Variants in STARD13 observed in about 807,000 individuals in gnomAD.
STARD13 encodes the protein StAR related lipid transfer domain containing 13.
A neutral mutation model predicts 106.4 loss-of-function variants in STARD13; 62 were observed. The ratio of observed to expected loss-of-function variants is 0.58; its 90% CI spans 0.48 to 0.72. The LOEUF is 0.72. STARD13 is among the 30% of genes least tolerant of loss of function. The pLI is 0.00. For synonymous variants in STARD13, 565 were observed against 553.0 expected, an observed-to-expected ratio of 1.02 and a Z score of -0.31; for missense variants, 1,387 against 1,424.0, an observed-to-expected ratio of 0.97 and a Z score of 0.42.
At chr13:33,441,696 C>G in the STARD13 span, among the ~76,000 whole-genome samples, 1 of 152,198 alleles carries the variant, frequency 6.6e-6, no homozygotes, top group Admixed American at 6.5e-5. Flanking sequence ...AAGAGTCAGT[C>G]AGGAAAGAGG....
intron 1 of STARD13, among the ~76,000 whole-genome samples, chr13:33,306,495 A>C (rs1034662315): frequency 6.6e-5 from 10 of 152,238 alleles, no homozygotes; most frequent in Non-Finnish European, 1.0e-4. Context: ...ATTAAACTAA[A>C]GAGCTTCTGC....
intron 3 of STARD13, among the ~76,000 whole-genome samples, chr13:33,159,737 G>T (rs1882401666): frequency 6.6e-6 from 1 of 152,114 alleles, no homozygotes; most frequent in African/African-American, 2.4e-5. Context: ...TTAAAACACT[G>T]TGTCATTTAC....
At chr13:33,537,991 T>C in the STARD13 span, among the ~76,000 whole-genome samples, 1 of 152,262 alleles carries the variant, frequency 6.6e-6, no homozygotes, top group South Asian at 2.1e-4. Context: ...CAAACACCTC[T>C]GGAATTAAGA....
At chr13:33,183,321 C>T (rs1224013163) in intron 1 of STARD13, among the ~76,000 whole-genome samples, 4 of 152,222 alleles carry the variant, frequency 2.6e-5, no homozygotes, top group African/African-American at 4.8e-5. Flanking sequence ...CTGAGAGTGA[C>T]TTTCTTGCTC....
the STARD13 span, among the ~76,000 whole-genome samples, chr13:33,420,771 A>G: frequency 9.9e-5 from 15 of 152,250 alleles, no homozygotes; most frequent in Non-Finnish European, 1.5e-5. Flanking sequence ...ACCACAGTGC[A>G]ATTAAATTAG....
intron 1 of STARD13, among the ~76,000 whole-genome samples, chr13:33,197,806 C>T (rs575639514): frequency 1.3e-5 from 2 of 152,330 alleles, no homozygotes; most frequent in South Asian, 4.1e-4. Flanking sequence ...CATCCCCAGT[C>T]CTAATCCCTG....
At chr13:33,165,136 C>T (rs1883173423) in intron 3 of STARD13, among the ~76,000 whole-genome samples, 1 of 152,144 alleles carries the variant, frequency 6.6e-6, no homozygotes, top group Non-Finnish European at 1.5e-5. Flanking sequence ...TGTCCAAAGG[C>T]CCCTGCTAGG....
the STARD13 span, among the ~76,000 whole-genome samples, chr13:33,503,297 A>G: frequency 6.6e-6 from 1 of 151,994 alleles, no homozygotes; most frequent in Non-Finnish European, 1.5e-5. Flanking sequence ...TCTTGCTAGC[A>G]GTCTATCAAT....
intron 3 of STARD13, among the ~76,000 whole-genome samples, chr13:33,165,028 T>C (rs986506072): frequency 2.0e-5 from 3 of 152,144 alleles, no homozygotes; most frequent in Non-Finnish European, 4.4e-5. Flanking sequence ...AGCTTGACCA[T>C]AGCATTTATA....
In STARD13 at chr13:33,136,120, C is replaced by CA. The variant is rs559244711; in HGVS notation, c.388-5832dup. Reference sequence around the variant, plus strand: ...TGGGTGATGAAGTGAGACTCTACCTCAAAAAAAAAAAATTATATATATCTT... The same window carrying CA: ...TGGGTGATGAAGTGAGACTCTACCTCAAAAAAAAAAAAATTATATATATCTT... On this transcript the variant is annotated intron_variant, in intron 4 of 13. Transcript: ENST00000336934. Among the ~76,000 whole-genome samples the CA allele has an allele frequency of 3.5e-3, 505 of 145,334 alleles. 1 individual carries two copies. Among genetic ancestry groups the CA allele is most frequent in the African/African-American group, 4.5e-3 (178 of 39,320 alleles).
chr13:33,651,807 G>T, the STARD13 span, among the ~76,000 whole-genome samples: 1,387 of 152,278 alleles, frequency 9.1e-3, 21 homozygotes, highest in African/African-American at 0.032. Flanking sequence ...GAAGCACTCT[G>T]CAAGAAGTCC....
chr13:33,341,499 T>C (rs1275896673), intron 1 of STARD13, among the ~76,000 whole-genome samples: 2 of 149,894 alleles, frequency 1.3e-5, no homozygotes, highest in African/African-American at 2.5e-5. Context: ...ATTAGCCGGG[T>C]GTGGTGGCTT....
intron 1 of STARD13, among the ~76,000 whole-genome samples, chr13:33,195,787 T>C (rs1886572269): frequency 6.6e-6 from 1 of 152,204 alleles, no homozygotes; most frequent in South Asian, 2.1e-4. Context: ...TCTGTCTCTC[T>C]TTCTTACAAG....
chr13:33,253,236 G>A (rs187451427), intron 1 of STARD13, among the ~76,000 whole-genome samples: 74 of 152,228 alleles, frequency 4.9e-4, no homozygotes, highest in African/African-American at 1.5e-3. Context: ...CTTAGACCTC[G>A]GTAGAAAGAC....
At chr13:33,188,847 G>A (rs1200507949) in intron 1 of STARD13, among the ~76,000 whole-genome samples, 5 of 152,194 alleles carry the variant, frequency 3.3e-5, no homozygotes, top group Non-Finnish European at 7.3e-5. Flanking sequence ...ATTAGTTGGT[G>A]AAAATGACAA....
chr13:33,118,408 C>T (rs1875736131), intron 7 of STARD13, 145 bp from the exon 8 acceptor site: 5 of 672,372 alleles, frequency 7.4e-6, no homozygotes, highest in East Asian at 5.1e-5. Context: ...TTAGGCAGTA[C>T]CCGAACACTG....
chr13:33,367,113 C>T, the STARD13 span, among the ~76,000 whole-genome samples: 10 of 152,246 alleles, frequency 6.6e-5, no homozygotes, highest in Admixed American at 2.0e-4. Context: ...TGCACATTCA[C>T]GATCTTTCTG....
the STARD13 span, among the ~76,000 whole-genome samples, chr13:33,588,433 T>A: frequency 7.2e-5 from 11 of 152,190 alleles, no homozygotes; most frequent in African/African-American, 2.7e-4. Flanking sequence ...GAATTCTCAA[T>A]AACTATAATA....
chr13:33,316,328 GT>G (rs1893335924), intron 1 of STARD13, among the ~76,000 whole-genome samples: 1 of 152,118 alleles, frequency 6.6e-6, no homozygotes, highest in Non-Finnish European at 1.5e-5. Context: ...TTTGTGAAGT[GT>G]TCCCAGTCAT....
Sources: gnomAD v4.1 joint callset for allele counts (sites outside exome capture counted in the v4.1 genomes callset) on GRCh38, gnomAD v4.1.1 for gene constraint, MANE v1.5 for transcripts, NCBI Gene and HGNC (gene_info 2026-07-23, HGNC 2026-07-21) for gene names.